Variants in DAG1 observed in about 807,000 individuals in gnomAD.
DAG1 encodes dystroglycan 1.
In DAG1, 8 loss-of-function variants were observed where a neutral mutation model predicts 46.1. The ratio of observed to expected loss-of-function variants is 0.17; its 90% CI spans 0.10 to 0.31. The LOEUF (loss-of-function observed/expected upper bound fraction) is 0.31, where lower values mean the gene tolerates loss of function less well. DAG1 is among the 10% of genes least tolerant of loss of function. The probability of loss-of-function intolerance (pLI) is 1.00; values close to 1 mark genes in which losing one functional copy is unlikely to be tolerated. For missense variants in DAG1, 1,003 were observed against 1,189.9 expected, an observed-to-expected ratio of 0.84 and a Z score of 2.31; for synonymous variants, 495 against 481.8, an observed-to-expected ratio of 1.03 and a Z score of -0.36.
chr3:49,510,255 CT>C, intron 1 of DAG1, 163 bp from the exon 2 acceptor site: 1 of 564,152 alleles, frequency 1.8e-6, no homozygotes. Flanking sequence ...ATTTCCAGTG[CT>C]AAGGAGTTGC....
At chr3:49,497,191 C>T (rs2050336215) in intron 1 of DAG1, among the ~76,000 whole-genome samples, 1 of 151,670 alleles carries the variant, frequency 6.6e-6, no homozygotes, top group African/African-American at 2.4e-5. Context: ...AATCCCAGCA[C>T]TTTGGGAGGC....
chr3:49,523,658 C>T (rs538019942), intron 2 of DAG1, among the ~76,000 whole-genome samples: 31 of 152,168 alleles, frequency 2.0e-4, no homozygotes, highest in Non-Finnish European at 4.1e-4. Context: ...GGTCCAAGGT[C>T]AGTTGGGAAG....
chr3:49,486,403 A>G (rs1043321976), intron 1 of DAG1, among the ~76,000 whole-genome samples: 1 of 151,248 alleles, frequency 6.6e-6, no homozygotes, highest in African/African-American at 2.4e-5. Context: ...TATTTTTAGT[A>G]GAGACAGGGT....
At position 49,533,123 on chromosome 3, in the gene DAG1, C is replaced by T. The variant is rs746773372; in HGVS notation, c.2612C>T (p.Ala871Val). The T allele has an allele frequency of 2.8e-5, 45 of 1,614,222 alleles. No individual in the cohort carries two copies. The highest frequency in any genetic ancestry group is 1.6e-4 in the Middle Eastern group (1 of 6,062). The change falls in exon 3 of 3, where the codon GCA (alanine) becomes GTA (valine). Residue 871 changes from alanine (A) to valine (V), a missense_variant. Ala to Val is a moderately conservative substitution (Grantham distance 64). Coordinates refer to ENST00000308775, the MANE Select transcript of DAG1 (RefSeq NM_004393.6). ...PPYQPPPPFTAPMEGKGSRPK... is the reference protein window; with the variant it reads ...PPYQPPPPFTVPMEGKGSRPK... ...TACCAGCCCCCACCGCCCTTCACAG[C>T]ACCCATGGAGGGCAAGGGCTCCCGT... is the stretch of plus-strand genomic sequence containing the variant.
chr3:49,494,552 G>T (rs1036511873), intron 1 of DAG1, among the ~76,000 whole-genome samples: 2 of 152,122 alleles, frequency 1.3e-5, no homozygotes, highest in South Asian at 4.2e-4. Flanking sequence ...TAGTGTAATG[G>T]AAAAAATACC....
intron 1 of DAG1, among the ~76,000 whole-genome samples, chr3:49,495,084 C>A (rs1395444665): frequency 6.6e-6 from 1 of 152,160 alleles, no homozygotes; most frequent in Admixed American, 6.6e-5. Context: ...CTCTTCTCCC[C>A]CTTTTCTCTC....
intron 2 of DAG1, among the ~76,000 whole-genome samples, chr3:49,522,407 C>G (rs1159637269): frequency 2.0e-5 from 3 of 151,968 alleles, no homozygotes; most frequent in African/African-American, 7.3e-5. Flanking sequence ...CCTCGTGATC[C>G]ACCCGCTTCG....
chr3:49,487,627 AC>A (rs1309466556), intron 1 of DAG1, among the ~76,000 whole-genome samples: 1 of 151,666 alleles, frequency 6.6e-6, no homozygotes, highest in African/African-American at 2.4e-5. Flanking sequence ...CTGGGAGGAA[AC>A]CACATGGAAT....
chr3:49,477,349 G>T (rs891052255), intron 1 of DAG1, among the ~76,000 whole-genome samples: 26 of 152,112 alleles, frequency 1.7e-4, no homozygotes, highest in African/African-American at 6.0e-4. Context: ...GGAGTGCAGT[G>T]GCATGATTAC....
intron 1 of DAG1, among the ~76,000 whole-genome samples, chr3:49,483,779 A>G (rs1383615121): frequency 2.6e-5 from 4 of 152,122 alleles, no homozygotes; most frequent in East Asian, 1.9e-4. Flanking sequence ...GGGTCAAGCA[A>G]TCCTCCCACC....
At chr3:49,496,347 T>G (rs964346460) in intron 1 of DAG1, among the ~76,000 whole-genome samples, 2 of 141,678 alleles carry the variant, frequency 1.4e-5, no homozygotes, top group African/African-American at 2.6e-5. Context: ...TTTTTTAAAT[T>G]TTTAACTTTT....
chr3:49,513,450 C>A (rs1412911061), intron 2 of DAG1, among the ~76,000 whole-genome samples: 2 of 152,158 alleles, frequency 1.3e-5, no homozygotes, highest in Admixed American at 6.5e-5. Flanking sequence ...TGGGTGTTTA[C>A]CAGCTTGCCC....
Position 49,533,095 on chromosome 3 carries a change from C to G in DAG1, c.2584C>G (p.Pro862Ala). ...PLRDEDPNAP[P>A]YQPPPPFTAP... is the part of the protein sequence containing the mutation. ...GCGGGATGAGGATCCCAATGCGCCT[C>G]CCTACCAGCCCCCACCGCCCTTCAC... The change falls in exon 3 of 3, where the codon CCC (proline) becomes GCC (alanine). Residue 862 changes from proline (P) to alanine (A), a missense_variant. Physicochemically the swap from Pro to Ala is conservative, Grantham distance 27. Around this residue, in one of 3 missense-constraint regions of DAG1, gnomAD observed 755 missense variants for 854.1 expected, o/e 0.88. Coordinates refer to ENST00000308775, the MANE Select transcript of DAG1 (RefSeq NM_004393.6). The G allele has an allele frequency of 6.2e-7, 1 of 1,614,134 alleles. No individual in the cohort carries two copies. Among genetic ancestry groups the G allele is most frequent in the Admixed American group, 1.7e-5 (1 of 60,026 alleles).
Position 49,533,316 on chromosome 3 carries a change from GCACA to G in DAG1, c.*121_*124del. The G allele has an allele frequency of 6.8e-7, 1 of 1,461,984 alleles. No homozygotes were observed. The highest frequency in any genetic ancestry group is 9.3e-7 in the Non-Finnish European group (1 of 1,076,116). 90.6% of individuals were successfully genotyped at this position (1,461,984 alleles called of 1,614,324 possible). A position where few individuals can be genotyped will look rare whatever the true frequency, so the allele number is the denominator to read the frequency against. On this transcript the variant is annotated 3_prime_UTR_variant, in exon 3 of 3. Transcript: ENST00000308775. ...CCACCGGGAGCCGACACCTGACCTAGCACACACTGACACAGGGGCCTGGACAAGC... is the reference window on the plus strand; with the variant it reads ...CCACCGGGAGCCGACACCTGACCTAGCACTGACACAGGGGCCTGGACAAGC...
At chr3:49,525,197 G>A (rs992454334) in intron 2 of DAG1, among the ~76,000 whole-genome samples, 16 of 152,136 alleles carry the variant, frequency 1.1e-4, no homozygotes, top group Non-Finnish European at 1.9e-4. Flanking sequence ...CATGATCCTG[G>A]AGTGACTGCC....
upstream of DAG1, among the ~76,000 whole-genome samples, chr3:49,469,546 T>G (rs1048587842): frequency 2.6e-5 from 4 of 152,064 alleles, no homozygotes; most frequent in Non-Finnish European, 5.9e-5. Flanking sequence ...AGAGCTATTT[T>G]GGGCAGGAGA....
rs1468928908 is a variant in DAG1, at chr3:49,532,967, T to C, written c.2456T>C (p.Leu819Pro). The change falls in exon 3 of 3, where the codon CTG becomes CCG. Residue 819 changes from leucine to proline, a missense_variant. This residue lies in a region of DAG1 where 755 missense variants were observed against 854.1 expected (regional missense o/e 0.88). Transcript: ENST00000308775. The surrounding 1 kb of genome is among the most constrained non-coding windows in gnomAD (Gnocchi z 5.4). ...CCCTCCTCCAGCATGCCACTCATTC[T>C]GCAGGAGGAGAAGGCTCCCCTACCC... ...PPPSSSMPLI[L>P]QEEKAPLPPP... 6.2e-7 allele frequency: 1 copy of C among 1,614,108 alleles called. No homozygotes were observed. Among genetic ancestry groups the C allele is most frequent in the South Asian group, 1.1e-5 (1 of 91,076 alleles).
Position 49,531,363 on chromosome 3 carries a change from C to G in DAG1, c.852C>G (p.Gly284=). The part of the protein sequence containing the change: ...IHGVEAPARE[G]AMSAQLGYPV... ...GTGTAGAGGCCCCTGCCAGGGAGGG[C>G]GCAATGTCTGCTCAGCTTGGCTACC... Residue 284 remains glycine (G), a synonymous_variant, in exon 3 of 3, where the codon GGC becomes GGG. Coordinates refer to ENST00000308775, the MANE Select transcript of DAG1 (RefSeq NM_004393.6). The surrounding 1 kb of genome is among the most constrained non-coding windows in gnomAD (Gnocchi z 7.0). 1 of 1,614,176 alleles carries G rather than the reference C, an allele frequency of 6.2e-7. No individual in the cohort carries two copies. Among genetic ancestry groups the G allele is most frequent in the Non-Finnish European group, 8.5e-7 (1 of 1,180,024 alleles).
intron 1 of DAG1, among the ~76,000 whole-genome samples, chr3:49,484,091 A>G (rs1404238048): frequency 6.6e-6 from 1 of 152,180 alleles, no homozygotes; most frequent in Non-Finnish European, 1.5e-5. Flanking sequence ...AAAGTCACAA[A>G]TAGATAACAG....
Sources: allele counts gnomAD v4.1 joint callset (sites outside exome capture counted in the v4.1 genomes callset), GRCh38; gene constraint gnomAD v4.1.1; regional missense constraint gnomAD v4.1.1; non-coding constraint Gnocchi (gnomAD v3.1); transcripts MANE v1.5; gene names NCBI Gene and HGNC (gene_info 2026-07-23, HGNC 2026-07-21).